PRELID2: variants seen among roughly 807,000 people sequenced by gnomAD.
PRELID2 encodes the protein PRELI domain-containing protein 2.
A neutral mutation model predicts 28.4 loss-of-function variants in PRELID2; 25 were observed. That is an observed-to-expected ratio of 0.88 (90% confidence interval 0.64 to 1.23). The LOEUF is 1.23. PRELID2 is among the 50% of genes most tolerant of loss of function. PRELID2 has a pLI of 0.00. For missense variants in PRELID2, 201 were observed against 214.4 expected (o/e 0.94, Z 0.39); for synonymous variants, 76 against 71.6 (o/e 1.06, Z -0.31).
Position 145,528,018 on chromosome 5 carries a change from C to T in PRELID2, n.71-54703G>A, listed in dbSNP as rs141322841. Among the ~76,000 whole-genome samples the T allele has an allele frequency of 8.0e-3, 1,215 of 152,118 alleles. 14 individuals carry two copies. Among genetic ancestry groups the T allele is most frequent in the Middle Eastern group, 0.014 (4 of 294 alleles). On this transcript the variant is annotated intron_variant and non_coding_transcript_variant, in intron 1 of 2. Coordinates refer to the PRELID2 transcript ENST00000510259. ...AGAACCTTTGCATATTATGTCCCAT[C>T]TCCCAGCGACCACCTATCACCTACT...
chr5:145,623,884 T>C (rs1259581698), intron 1 of PRELID2, among the ~76,000 whole-genome samples: 1 of 152,154 alleles, frequency 6.6e-6, no homozygotes, highest in East Asian at 1.9e-4. Context: ...GGAGTTAGCA[T>C]CAGATCCCAC....
chr5:145,332,436 C>G, the PRELID2 span, among the ~76,000 whole-genome samples: 1 of 152,114 alleles, frequency 6.6e-6, no homozygotes, highest in African/African-American at 2.4e-5. Context: ...TTCACATAGT[C>G]CCATATTTCT....
At chr5:145,475,980 A>T (rs959743078) in intron 1 of PRELID2, among the ~76,000 whole-genome samples, 1 of 152,232 alleles carries the variant, frequency 6.6e-6, no homozygotes, top group Admixed American at 6.5e-5. Flanking sequence ...AAGCCAGTCC[A>T]TGTTCTCACT....
At chr5:145,360,554 T>C in the PRELID2 span, among the ~76,000 whole-genome samples, 1 of 152,194 alleles carries the variant, frequency 6.6e-6, no homozygotes, top group African/African-American at 2.4e-5. Context: ...GAGCCTATTG[T>C]GCATTTCAAT....
intron 2 of PRELID2, among the ~76,000 whole-genome samples, chr5:145,820,248 G>A (rs535154501): frequency 6.6e-5 from 10 of 151,880 alleles, no homozygotes; most frequent in South Asian, 2.1e-4. Flanking sequence ...TTTAAAGTCA[G>A]TATCAATTTT....
chr5:145,654,167 T>G (rs1754349501), intron 1 of PRELID2, among the ~76,000 whole-genome samples: 1 of 152,308 alleles, frequency 6.6e-6, no homozygotes, highest in South Asian at 2.1e-4. Flanking sequence ...GATAAATTCC[T>G]GGACACATAC....
intron 1 of PRELID2, among the ~76,000 whole-genome samples, chr5:145,498,591 A>G (rs4913032): frequency 0.24 from 36,566 of 152,068 alleles, 4,520 homozygotes; most frequent in South Asian, 0.38. Context: ...GTTCAGTGGC[A>G]CAATCTCAGC....
Position 145,824,425 on chromosome 5 carries a change from CGTGT to C in PRELID2, c.76-1295_76-1292del, listed in dbSNP as rs369429281. ...ACTGTGGGTCTCCACCCACAGCAGG[CGTGT>C]GTGTGTGTGTGTGTGTGTGTGTGTG... On this transcript the variant is annotated intron_variant, in intron 1 of 6. Transcript: ENST00000683046. Among the ~76,000 whole-genome samples, 474 of 96,252 alleles carry C rather than the reference CGTGT, an allele frequency of 4.9e-3. 3 individuals carry two copies. The highest frequency in any genetic ancestry group is 0.012 in the African/African-American group (397 of 32,938). 63.1% of individuals were successfully genotyped at this position (96,252 alleles called of 152,430 possible).
At chr5:145,585,277 G>A (rs921460365) in intron 1 of PRELID2, among the ~76,000 whole-genome samples, 3 of 152,076 alleles carry the variant, frequency 2.0e-5, no homozygotes, top group Admixed American at 2.0e-4. Context: ...ACACACTAGG[G>A]CCTGTCGTGG....
At chr5:145,808,052 A>G (rs1162159839) in intron 4 of PRELID2, among the ~76,000 whole-genome samples, 2 of 152,122 alleles carry the variant, frequency 1.3e-5, no homozygotes, top group Non-Finnish European at 2.9e-5. Flanking sequence ...TTGGCTCTTC[A>G]TAATTGGTGG....
Position 145,559,293 on chromosome 5 carries a change from T to C in PRELID2, n.71-85978A>G, listed in dbSNP as rs190807513. ...AAAAGCGTTTTGGGAAATACTGTAA[T>C]AAATGTCCATCAAAAGAGAAATGAT... On this transcript the variant is annotated intron_variant and non_coding_transcript_variant, in intron 1 of 2. Transcript: ENST00000510259. Among the ~76,000 whole-genome samples, 101 of 150,510 alleles carry C rather than the reference T, an allele frequency of 6.7e-4. 2 individuals are homozygous for C. Among genetic ancestry groups the C allele is most frequent in the African/African-American group, 2.4e-3 (97 of 41,098 alleles).
chr5:145,825,568 A>G (rs1234275410), intron 1 of PRELID2, among the ~76,000 whole-genome samples: 1 of 152,246 alleles, frequency 6.6e-6, no homozygotes, highest in Non-Finnish European at 1.5e-5. Flanking sequence ...TTGTAGAAAG[A>G]TAACTAAACT....
At chr5:145,380,844 C>G in the PRELID2 span, among the ~76,000 whole-genome samples, 3 of 152,238 alleles carry the variant, frequency 2.0e-5, no homozygotes, top group South Asian at 6.2e-4. Flanking sequence ...TCATCCATAA[C>G]AAAGGGTCTT....
chr5:145,471,590 C>T (rs138158310), downstream of PRELID2, among the ~76,000 whole-genome samples: 315 of 151,894 alleles, frequency 2.1e-3, 2 homozygotes, highest in African/African-American at 7.2e-3. Flanking sequence ...CTAACACACA[C>T]ATTTTTTTTT....
chr5:145,595,511 A>G (rs1753292514), intron 1 of PRELID2, among the ~76,000 whole-genome samples: 1 of 152,202 alleles, frequency 6.6e-6, no homozygotes, highest in African/African-American at 2.4e-5. Context: ...GATTAATTCA[A>G]CAAATTCTCA....
intron 4 of PRELID2, among the ~76,000 whole-genome samples, chr5:145,816,616 G>A (rs1754323670): frequency 6.6e-6 from 1 of 152,020 alleles, no homozygotes; most frequent in African/African-American, 2.4e-5. Context: ...TTCTACATGA[G>A]GTAGGGATCT....
At chr5:145,407,275 C>T in the PRELID2 span, among the ~76,000 whole-genome samples, 4 of 152,124 alleles carry the variant, frequency 2.6e-5, no homozygotes, top group African/African-American at 9.7e-5. Flanking sequence ...ATGTGTGGGG[C>T]ATGGTGGGAG....
intron 1 of PRELID2, among the ~76,000 whole-genome samples, chr5:145,547,785 T>A (rs981716470): frequency 9.2e-5 from 14 of 152,208 alleles, no homozygotes; most frequent in Non-Finnish European, 1.6e-4. Flanking sequence ...TATCATTGCT[T>A]ATAAAAATTT....
chr5:145,744,437 G>A (rs1305995173), intron 1 of PRELID2, among the ~76,000 whole-genome samples: 1 of 152,200 alleles, frequency 6.6e-6, no homozygotes, highest in East Asian at 1.9e-4. Context: ...ACCCTGTACA[G>A]AAGGAATCCT....
Sources: allele counts gnomAD v4.1 joint callset (sites outside exome capture counted in the v4.1 genomes callset), GRCh38; gene constraint gnomAD v4.1.1; transcripts MANE v1.5; gene names NCBI Gene and HGNC (gene_info 2026-07-23, HGNC 2026-07-21).